CFTR: variants seen among roughly 807,000 people sequenced by gnomAD.
CFTR encodes the protein CF transmembrane conductance regulator, also known as cystic fibrosis transmembrane conductance regulator.
Under a neutral mutation model 171.6 loss-of-function variants are expected in CFTR, and 181 were observed. The ratio of observed to expected loss-of-function variants is 1.05; its 90% CI spans 0.93 to 1.19. The LOEUF is 1.19. Ranked by LOEUF, CFTR falls within the 50% of genes most tolerant of loss-of-function variation. CFTR has a pLI of 0.00. For synonymous variants in CFTR, 583 were observed against 608.0 expected, an observed-to-expected ratio of 0.96 and a Z score of 0.60; for missense variants, 1,968 against 1,734.7, an observed-to-expected ratio of 1.13 and a Z score of -2.39.
In CFTR at chr7:117,611,731, G is replaced by C. The variant is rs756579825; in HGVS notation, c.3290G>C (p.Arg1097Pro). ...ANWFLYLSTLRWFQMRIEMIF... is the reference protein window; with the variant it reads ...ANWFLYLSTLPWFQMRIEMIF... ...TGGTTCTTGTACCTGTCAACACTGC[G>C]CTGGTTCCAAATGAGAATAGAAATG... Residue 1097 changes from arginine to proline, a missense_variant, in exon 20 of 27, where the codon CGC becomes CCC. Arg to Pro is a moderately radical substitution (Grantham distance 103, BLOSUM62 -2). Coordinates refer to ENST00000003084, the MANE Select transcript of CFTR (RefSeq NM_000492.4). 6.2e-7 allele frequency: 1 copy of C among 1,613,402 alleles called. No individual in the cohort carries two copies.
chr7:117,501,131 C>T (rs919070787), intron 1 of CFTR, among the ~76,000 whole-genome samples: 2 of 152,148 alleles, frequency 1.3e-5, no homozygotes, highest in African/African-American at 4.8e-5. Context: ...AAATTCTGCT[C>T]ATTTGTAAAT....
intron 7 of CFTR, among the ~76,000 whole-genome samples, chr7:117,539,522 C>T (rs1799012897): frequency 2.0e-5 from 3 of 151,668 alleles, no homozygotes; most frequent in Non-Finnish European, 4.4e-5. Context: ...TAAAAAGCAT[C>T]TCAGGTGATT....
chr7:117,480,603 T>G (rs1344319455), intron 1 of CFTR, among the ~76,000 whole-genome samples: 1 of 152,142 alleles, frequency 6.6e-6, no homozygotes, highest in African/African-American at 2.4e-5. Flanking sequence ...ACAAAAATTT[T>G]GGGGTAGGTA....
At chr7:117,563,440 G>A (rs1331910359) in intron 11 of CFTR, among the ~76,000 whole-genome samples, 3 of 152,100 alleles carry the variant, frequency 2.0e-5, no homozygotes, top group African/African-American at 7.2e-5. Context: ...TCATTTTTAT[G>A]TACTGTTTGC....
rs959642877 is a variant in CFTR, at chr7:117,667,284, G to C, written c.*176G>C. 1 of 649,712 alleles carries C rather than the reference G, an allele frequency of 1.5e-6. No individual in the cohort carries two copies. Among genetic ancestry groups the C allele is most frequent in the African/African-American group, 1.8e-5 (1 of 55,086 alleles). The allele number at this position is 649,712 out of a possible 1,614,324, so 40.2% of individuals were successfully genotyped here. On this transcript the variant is annotated 3_prime_UTR_variant, in exon 27 of 27. Transcript: ENST00000003084. The stretch of plus-strand genomic sequence containing the variant: ...TAAGGGGAATTGAGGACACTGATAT[G>C]GGTCTTGATAAATGGCTTCCTGGCA...
chr7:117,583,640 T>G (rs1341523558), intron 11 of CFTR, among the ~76,000 whole-genome samples: 1 of 100,744 alleles, frequency 9.9e-6, no homozygotes, highest in East Asian at 2.4e-4. Context: ...AACATGAGTG[T>G]GCTTTTTTTT....
intron 12 of CFTR, among the ~76,000 whole-genome samples, chr7:117,588,671 T>C (rs1167052317): frequency 1.3e-5 from 2 of 152,120 alleles, no homozygotes; most frequent in African/African-American, 4.8e-5. Flanking sequence ...AGTATTCTAG[T>C]CATGTGTGTA....
chr7:117,516,849 G>A (rs1798602665), intron 3 of CFTR, among the ~76,000 whole-genome samples: 1 of 152,016 alleles, frequency 6.6e-6, no homozygotes, highest in African/African-American at 2.4e-5. Context: ...TCACAGTTTT[G>A]CCAGCTACTA....
At position 117,652,197 on chromosome 7, in the gene CFTR, A is replaced by T. The variant is rs115032867; in HGVS notation, c.3874-645A>T. On this transcript the variant is annotated intron_variant, in intron 23 of 26. Transcript: ENST00000003084. Reference sequence around the variant, plus strand: ...TGCAATGCTCCATGCAGGGAATTAGATTGTCATTTTATTCCTTACCAGGAA... The same window carrying T: ...TGCAATGCTCCATGCAGGGAATTAGTTTGTCATTTTATTCCTTACCAGGAA... Among the ~76,000 whole-genome samples the T allele has an allele frequency of 5.3e-3, 811 of 152,234 alleles. 2 individuals carry two copies. Among genetic ancestry groups the T allele is most frequent in the African/African-American group, 0.019 (773 of 41,560 alleles).
intron 22 of CFTR, among the ~76,000 whole-genome samples, chr7:117,636,802 C>T (rs763902076): frequency 6.6e-6 from 1 of 151,654 alleles, no homozygotes; most frequent in African/African-American, 2.4e-5. Context: ...CCTACTTTTT[C>T]CATGAAAACC....
At chr7:117,559,684 T>G in intron 11 of CFTR, 29 bp downstream of exon 11, 4 of 1,507,178 alleles carry the variant, frequency 2.7e-6, no homozygotes, top group Non-Finnish European at 3.7e-6. Context: ...ACTTTTTGAT[T>G]ATGCATATGA....
rs1554384440 is a variant in CFTR at position 117,559,642 on chromosome 7, G to A, written c.1571G>A (p.Cys524Tyr). 6.2e-7 allele frequency: 1 copy of A among 1,612,392 alleles called. No individual in the cohort carries two copies. Among genetic ancestry groups the A allele is most frequent in the African/African-American group, 1.3e-5 (1 of 74,990 alleles). ...EYRYRSVIKA[C>Y]QLEEDISKFA... ...AGATACAGAAGCGTCATCAAAGCAT[G>A]CCAACTAGAAGAGGTAAGAAACTAT... Residue 524 changes from cysteine to tyrosine, a missense_variant, in exon 11 of 27, where the codon TGC becomes TAC. Cys to Tyr is a radical substitution (Grantham distance 194). Coordinates refer to ENST00000003084, the MANE Select transcript of CFTR (RefSeq NM_000492.4).
intron 17 of CFTR, among the ~76,000 whole-genome samples, chr7:117,605,547 A>G (rs1397297726): frequency 6.6e-6 from 1 of 152,186 alleles, no homozygotes; most frequent in East Asian, 1.9e-4. Flanking sequence ...AGAGGTGCAA[A>G]CAAGATGTAT....
At chr7:117,598,402 T>G (rs1792172168) in intron 15 of CFTR, among the ~76,000 whole-genome samples, 2 of 152,210 alleles carry the variant, frequency 1.3e-5, no homozygotes, top group African/African-American at 4.8e-5. Context: ...TGTAAATAAC[T>G]GAGACCCAAA....
Position 117,631,507 on chromosome 7 carries a change from G to A in CFTR, c.3717+3737G>A, listed in dbSNP as rs117069719. 2.3e-4 allele frequency among the ~76,000 whole-genome samples: 35 copies of A among 152,220 alleles called. No individual in the cohort carries two copies. In the East Asian group the frequency reaches 5.6e-3, roughly 24 times the overall value. On this transcript the variant is annotated intron_variant, in intron 22 of 26. Transcript: ENST00000003084. ...CCTTGACCTCCAGGGAGGGATGAGT[G>A]GCTGAAAATTGTGTAAAATCAACAA...
chr7:117,544,728 G>A (rs1410387853), intron 9 of CFTR, among the ~76,000 whole-genome samples: 1 of 152,078 alleles, frequency 6.6e-6, no homozygotes, highest in Non-Finnish European at 1.5e-5. Context: ...TTTCGCTCAC[G>A]CAACCTCATG....
In CFTR at chr7:117,610,673, T is replaced by C; in HGVS notation, c.3139+4T>C. The C allele has an allele frequency of 6.2e-7, 1 of 1,613,308 alleles. No homozygotes were observed. Among genetic ancestry groups the C allele is most frequent in the Non-Finnish European group, 8.5e-7 (1 of 1,179,490 alleles). On this transcript the variant is annotated splice_donor_region_variant and intron_variant, in intron 19 of 26. Transcript: ENST00000003084. ...CTCAAACAACTGGAATCTGAAGGTA[T>C]GACAGTGAATGTGCGATACTCATCT...
chr7:117,523,374 G>GTTT (rs1205226439), intron 3 of CFTR, among the ~76,000 whole-genome samples: 1 of 139,580 alleles, frequency 7.2e-6, no homozygotes, highest in African/African-American at 2.6e-5. Context: ...GTTTTGTTTT[G>GTTT]TTTTTTGTTT....
chr7:117,561,286 A>T (rs1430784151), intron 11 of CFTR, among the ~76,000 whole-genome samples: 2 of 151,066 alleles, frequency 1.3e-5, no homozygotes, highest in Non-Finnish European at 3.0e-5. Context: ...AAAATAATGA[A>T]AAAAGGAGAA....
Sources: gnomAD v4.1 joint callset for allele counts (sites outside exome capture counted in the v4.1 genomes callset) on GRCh38, gnomAD v4.1.1 for gene constraint, MANE v1.5 for transcripts, NCBI Gene and HGNC (gene_info 2026-07-23, HGNC 2026-07-21) for gene names.